REST: variants seen among roughly 807,000 people sequenced by gnomAD.
REST encodes RE1 silencing transcription factor.
In REST, 1 loss-of-function variant was observed where a neutral mutation model predicts 30.4. The ratio of observed to expected loss-of-function variants is 0.03; its 90% confidence interval spans 0.01 to 0.16. The LOEUF is 0.16. REST is among the 10% of genes least tolerant of loss of function. REST has a pLI of 1.00. For missense variants in REST, 1,259 were observed against 1,329.5 expected, an observed-to-expected ratio of 0.95 and a Z score of 0.82; for synonymous variants, 504 against 451.1, an observed-to-expected ratio of 1.12 and a Z score of -1.49.
intron 1 of REST, 129 bp from the exon 2 acceptor site, chr4:56,910,501 G>A (rs1346730046): frequency 4.2e-6 from 3 of 706,402 alleles, no homozygotes; most frequent in African/African-American, 1.8e-5. Context: ...AATAGGCGAT[G>A]AAGTTTACTG....
At chr4:56,911,654 A>G (rs116765139) in intron 2 of REST, 118 bp downstream of exon 2, 25 of 827,150 alleles carry the variant, frequency 3.0e-5, no homozygotes, top group Non-Finnish European at 4.8e-5. Flanking sequence ...CCATTTTGCT[A>G]TCTTTGTGAC....
At position 56,908,720 on chromosome 4, in the gene REST, G is replaced by C. The variant is rs1719740895; in HGVS notation, c.-10+507G>C. 2.6e-5 allele frequency among the ~76,000 whole-genome samples: 4 copies of C among 152,142 alleles called. No homozygotes were observed. In the South Asian group the frequency reaches 8.3e-4, roughly 31 times the overall value. On this transcript the variant is annotated intron_variant, in intron 1 of 3. Transcript: ENST00000309042. ...GGGTTGAGTCAGCCCCGGGGCCCGG[G>C]CGGTTCCGCCTGCGGGGCTGGACAG...
chr4:56,909,522 T>A (rs1719800129), intron 1 of REST: 1 of 152,238 alleles, frequency 6.6e-6, no homozygotes, highest in Admixed American at 6.5e-5. Flanking sequence ...TAGCTTGGGC[T>A]GTTCAGCCCC....
intron 2 of REST, among the ~76,000 whole-genome samples, chr4:56,914,063 AG>A (rs1720059898): frequency 1.3e-5 from 2 of 151,846 alleles, no homozygotes; most frequent in Admixed American, 1.3e-4. Context: ...TCCCCCAGGT[AG>A]CTGGGACCAC....
chr4:56,920,701 T>G (rs971062188), intron 3 of REST, among the ~76,000 whole-genome samples: 1 of 151,946 alleles, frequency 6.6e-6, no homozygotes, highest in African/African-American at 2.4e-5. Flanking sequence ...AGGCAGAGGT[T>G]GTAAGCCGAG....
At chr4:56,913,718 G>C (rs879600850) in intron 2 of REST, among the ~76,000 whole-genome samples, 1 of 151,676 alleles carries the variant, frequency 6.6e-6, no homozygotes, top group Non-Finnish European at 1.5e-5. Flanking sequence ...ACGCGATCTC[G>C]GCTCACTACA....
Position 56,933,602 on chromosome 4 carries a change from T to C in REST, c.*1450T>C, listed in dbSNP as rs912000710. The C allele has an allele frequency of 3.3e-5, 5 of 152,180 alleles. No individual in the cohort carries two copies. The highest frequency in any genetic ancestry group is 1.2e-4 in the African/African-American group (5 of 41,450). The allele number at this position is 152,180 out of a possible 1,614,324, so 9.4% of individuals were successfully genotyped here. A position where few individuals can be genotyped will look rare whatever the true frequency, so the allele number is the denominator to read the frequency against. ...GGCTGTCTGTGTGATAGCCTCTTTC[T>C]ATAGGTGAGGCCTCAAATGAATTGC... On this transcript the variant is annotated 3_prime_UTR_variant, in exon 4 of 4. Transcript: ENST00000309042.
chr4:56,923,800 C>T (rs1720558355), intron 3 of REST, among the ~76,000 whole-genome samples: 1 of 152,080 alleles, frequency 6.6e-6, no homozygotes, highest in Admixed American at 6.6e-5. Flanking sequence ...CGGCTCACTG[C>T]AACCTCCACC....
At chr4:56,923,924 T>C (rs980099808) in intron 3 of REST, among the ~76,000 whole-genome samples, 30 of 151,880 alleles carry the variant, frequency 2.0e-4, no homozygotes, top group Non-Finnish European at 8.8e-5. Context: ...GGTTTCACCA[T>C]GTTAGCCAGG....
At chr4:56,923,969 C>T (rs562969784) in intron 3 of REST, among the ~76,000 whole-genome samples, 2 of 152,272 alleles carry the variant, frequency 1.3e-5, no homozygotes, top group South Asian at 4.1e-4. Context: ...GATCTGCCCG[C>T]CTCAGCCTCC....
Position 56,934,207 on chromosome 4 carries a change from G to A in REST, c.*2055G>A, listed in dbSNP as rs537503780. ...AAACTTAAATTATAAAGCTAGTTAA[G>A]TCTTTCTAATGACTAGTTTTAATGT... On this transcript the variant is annotated 3_prime_UTR_variant, in exon 4 of 4. Transcript: ENST00000309042. 1.1e-4 allele frequency: 16 copies of A among 152,280 alleles called. No individual in the cohort carries two copies. The highest frequency in any genetic ancestry group is 3.1e-4 in the African/African-American group (13 of 41,564). The allele number at this position is 152,280 out of a possible 1,614,324, so 9.4% of individuals were successfully genotyped here. A position where few individuals can be genotyped will look rare whatever the true frequency, so the allele number is the denominator to read the frequency against.
Position 56,930,851 on chromosome 4 carries a change from G to C in REST, c.1993G>C (p.Glu665Gln). The C allele has an allele frequency of 6.2e-7, 1 of 1,613,458 alleles. No individual in the cohort carries two copies. ...EVVQEGPAQK[E>Q]LLPPVEPAQM... ...GGTTCAGGAGGGGCCTGCTCAGAAG[G>C]AGCTGCTGCCTCCCGTGGAGCCTGC... Residue 665 changes from glutamate to glutamine, a missense_variant, in exon 4 of 4, where the codon GAG (glutamate) becomes CAG (glutamine). Coordinates refer to ENST00000309042, the MANE Select transcript of REST (RefSeq NM_005612.5).
chr4:56,918,426 C>T (rs983018999), intron 2 of REST, among the ~76,000 whole-genome samples: 2 of 151,914 alleles, frequency 1.3e-5, no homozygotes, highest in African/African-American at 4.8e-5. Flanking sequence ...CCCGGGAGGT[C>T]CAGGCTGCAG....
intron 3 of REST, chr4:56,927,643 T>A (rs1720772561): frequency 8.1e-7 from 1 of 1,235,806 alleles, no homozygotes; most frequent in Non-Finnish European, 1.0e-6. Context: ...TGGTAATATT[T>A]ACTAGAGTGT....
chr4:56,929,466 C>T (rs1720865925), intron 3 of REST, among the ~76,000 whole-genome samples: 1 of 151,596 alleles, frequency 6.6e-6, no homozygotes, highest in Admixed American at 6.6e-5. Context: ...ATTTTATTTT[C>T]TACTCCATTA....
intron 2 of REST, among the ~76,000 whole-genome samples, chr4:56,913,614 T>G (rs559466462): frequency 6.6e-5 from 10 of 152,208 alleles, no homozygotes; most frequent in Middle Eastern, 3.4e-3. Flanking sequence ...GGAGGGGAAT[T>G]GATGCTGCTT....
chr4:56,931,365 T>C lies in REST; in HGVS notation c.2507T>C (p.Val836Ala). Residue 836 changes from valine to alanine, a missense_variant, in exon 4 of 4, where the codon GTC (valine) becomes GCC (alanine). Coordinates refer to ENST00000309042, the MANE Select transcript of REST (RefSeq NM_005612.5). ...MQSERARKEQVLIEVGLVPVK... is the reference protein window; with the variant it reads ...MQSERARKEQALIEVGLVPVK... ...AGTGAAAGGGCACGGAAGGAGCAAG[T>C]CCTTATTGAAGTTGGCTTAGTGCCT... The C allele has an allele frequency of 6.2e-7, 1 of 1,614,216 alleles. No individual in the cohort carries two copies. The highest frequency in any genetic ancestry group is 1.3e-5 in the African/African-American group (1 of 75,064).
At chr4:56,908,633 C>T (rs1027791442) in intron 1 of REST, among the ~76,000 whole-genome samples, 1 of 152,112 alleles carries the variant, frequency 6.6e-6, no homozygotes, top group African/African-American at 2.4e-5. Flanking sequence ...CCGCGGCCCT[C>T]CTGGCCCCCT....
chr4:56,908,236 G>T (rs1719707574), intron 1 of REST, 23 bp downstream of exon 1: 1 of 247,348 alleles, frequency 4.0e-6, no homozygotes. Context: ...CTGGGCTGGG[G>T]GCTCGGTCAG....
Sources: gnomAD v4.1 joint callset for allele counts (sites outside exome capture counted in the v4.1 genomes callset) on GRCh38, gnomAD v4.1.1 for gene constraint, MANE v1.5 for transcripts, NCBI Gene and HGNC (gene_info 2026-07-23, HGNC 2026-07-21) for gene names.